Variants in GRM5 observed in about 807,000 individuals in gnomAD.
GRM5 encodes glutamate metabotropic receptor 5.
In GRM5, 19 loss-of-function variants were observed where a neutral mutation model predicts 83.1. The observed-to-expected ratio is 0.23, with a 90% CI of 0.16 to 0.34. The LOEUF is 0.34. Ranked by LOEUF, GRM5 falls within the 10% of genes least tolerant of loss-of-function variation. The pLI, the probability that GRM5 is intolerant of heterozygous loss-of-function variation, is 1.00. For missense variants in GRM5, 1,160 were observed against 1,588.3 expected (o/e 0.73, Z 4.58); for synonymous variants, 675 against 633.6 (o/e 1.07, Z -0.98).
rs1233531718 is a variant in GRM5, at chr11:88,508,968, C to G, written c.3263G>C (p.Gly1088Ala). Reference protein sequence around the residue: ...MMLSTAAPSPGVGAPLCSSYL... With the variant: ...MMLSTAAPSPAVGAPLCSSYL... ...GGACGAGCAGAGCGGGGCGCCGACGCCGGGGCTGGGGGCCGCGGTGGACAG... is the reference window on the plus strand; with the variant it reads ...GGACGAGCAGAGCGGGGCGCCGACGGCGGGGCTGGGGGCCGCGGTGGACAG... The change falls in exon 10 of 10, where the codon GGC (glycine) becomes GCC (alanine). Residue 1088 changes from glycine (G) to alanine (A), a missense_variant. By Grantham distance (60) the Gly-to-Ala change is moderately conservative. This residue lies in a region of GRM5 where 562 missense variants were observed against 532.4 expected (regional missense o/e 1.06). Coordinates refer to ENST00000305447, the MANE Select transcript of GRM5 (RefSeq NM_001143831.3). The surrounding 1 kb of genome is among the most constrained non-coding windows in gnomAD (Gnocchi z 4.2). The G allele has an allele frequency of 6.3e-7, 1 of 1,588,716 alleles. No homozygotes were observed. Among genetic ancestry groups the G allele is most frequent in the South Asian group, 1.1e-5 (1 of 87,122 alleles).
chr11:88,877,173 CA>C (rs374750374), intron 2 of GRM5, among the ~76,000 whole-genome samples: 37 of 151,924 alleles, frequency 2.4e-4, no homozygotes, highest in African/African-American at 8.7e-4. Context: ...TGACTATAGC[CA>C]AGAATAAGGT....
intron 2 of GRM5, among the ~76,000 whole-genome samples, chr11:88,901,001 G>T (rs536542545): frequency 3.3e-5 from 5 of 152,232 alleles, no homozygotes; most frequent in South Asian, 2.1e-4. Context: ...GGTAAAGCAG[G>T]TCCATGATTT....
At chr11:88,956,874 CTG>C (rs1938634046) in intron 2 of GRM5, among the ~76,000 whole-genome samples, 1 of 152,190 alleles carries the variant, frequency 6.6e-6, no homozygotes. Context: ...ATCAACTAAT[CTG>C]AGCCTATTTC....
chr11:88,815,655 G>T (rs1943662378), intron 3 of GRM5, among the ~76,000 whole-genome samples: 1 of 152,156 alleles, frequency 6.6e-6, no homozygotes, highest in African/African-American at 2.4e-5. Flanking sequence ...AGATCACAAG[G>T]TGATAGAGGA....
Position 88,619,097 on chromosome 11 carries a change from AAACT to A in GRM5, c.1148-14137_1148-14134del, listed in dbSNP as rs528690548. Among the ~76,000 whole-genome samples the A allele has an allele frequency of 3.2e-4, 48 of 152,364 alleles. 1 individual carries two copies. In the South Asian group the frequency reaches 9.7e-3, roughly 31 times the overall value. The stretch of plus-strand genomic sequence containing the variant: ...CAGAAGCCTCCAAAAGGATTAGCAG[AAACT>A]ACAACTCTCCAATCTGTGATTATAA... On this transcript the variant is annotated intron_variant, in intron 4 of 9. Coordinates refer to ENST00000305447, the MANE Select transcript of GRM5 (RefSeq NM_001143831.3).
At chr11:89,063,315 C>T (rs1400317512) in intron 1 of GRM5, among the ~76,000 whole-genome samples, 2 of 152,190 alleles carry the variant, frequency 1.3e-5, no homozygotes, top group Admixed American at 6.5e-5. Flanking sequence ...TTAATTAAGG[C>T]TGTTCGCAAA....
intron 2 of GRM5, among the ~76,000 whole-genome samples, chr11:88,933,362 G>A (rs1937780526): frequency 6.6e-6 from 1 of 151,622 alleles, no homozygotes. Flanking sequence ...CTCTATTGGT[G>A]AAAGGTCTTT....
chr11:88,991,724 G>C (rs547421214), intron 2 of GRM5, among the ~76,000 whole-genome samples: 4,976 of 151,746 alleles, frequency 0.033, 250 homozygotes, highest in African/African-American at 0.11. Flanking sequence ...CTACAACTAT[G>C]TGATCTTTGA....
At position 88,654,634 on chromosome 11, in the gene GRM5, T is replaced by C. The variant is rs139235352; in HGVS notation, c.912-1231A>G. ...AAAGTGTTAGGAGGTGAGCTGGGAGTAGGGGCAGTGGGTAGTGGGGAGAGG... is the reference window on the plus strand; with the variant it reads ...AAAGTGTTAGGAGGTGAGCTGGGAGCAGGGGCAGTGGGTAGTGGGGAGAGG... On this transcript the variant is annotated intron_variant, in intron 3 of 9. Transcript: ENST00000305447. Among the ~76,000 whole-genome samples, 72 of 152,064 alleles carry C rather than the reference T, an allele frequency of 4.7e-4. No individual in the cohort carries two copies. In the East Asian group the frequency reaches 0.011, roughly 24 times the overall value.
rs147790272 is a variant in GRM5 at position 88,519,508 on chromosome 11, A to G, written c.2726+5801T>C. 4.8e-3 allele frequency among the ~76,000 whole-genome samples: 730 copies of G among 152,212 alleles called. 3 individuals are homozygous for G. Among genetic ancestry groups the G allele is most frequent in the South Asian group, 0.017 (83 of 4,822 alleles). On this transcript the variant is annotated intron_variant, in intron 9 of 9. Coordinates refer to ENST00000305447, the MANE Select transcript of GRM5 (RefSeq NM_001143831.3). ...TGAGTTGGGCTCTAATATGGGCTTT[A>G]CCAATTTTTTAAGGAAGATTAAGTG...
chr11:88,912,921 A>G (rs1945523920), intron 2 of GRM5, among the ~76,000 whole-genome samples: 2 of 152,208 alleles, frequency 1.3e-5, no homozygotes, highest in African/African-American at 4.8e-5. Flanking sequence ...AGGTCTACAT[A>G]CATGAGCATG....
chr11:88,957,517 A>T (rs76703403), intron 2 of GRM5, among the ~76,000 whole-genome samples: 1 of 152,190 alleles, frequency 6.6e-6, no homozygotes, highest in African/African-American at 2.4e-5. Flanking sequence ...AAGATAAGAA[A>T]AAAATGAGGT....
chr11:88,720,885 T>TATC (rs1328755872), intron 3 of GRM5, among the ~76,000 whole-genome samples: 16 of 151,256 alleles, frequency 1.1e-4, no homozygotes, highest in African/African-American at 3.9e-4. Context: ...AACCAGTCTC[T>TATC]ATCAAGAGCA....
chr11:88,917,355 A>G (rs1424704412), intron 2 of GRM5, among the ~76,000 whole-genome samples: 3 of 152,206 alleles, frequency 2.0e-5, no homozygotes, highest in Admixed American at 1.3e-4. Flanking sequence ...ATACCTGGAA[A>G]GCCCTATCAA....
At chr11:88,537,436 G>C (rs184059717) in intron 8 of GRM5, among the ~76,000 whole-genome samples, 48 of 152,246 alleles carry the variant, frequency 3.2e-4, no homozygotes, top group African/African-American at 1.1e-3. Flanking sequence ...GCAGAAGACA[G>C]ACAGGGACGA....
At chr11:88,599,128 C>T (rs1937904595) in intron 5 of GRM5, among the ~76,000 whole-genome samples, 1 of 152,106 alleles carries the variant, frequency 6.6e-6, no homozygotes. Context: ...AAAATTTGAA[C>T]CAATTTATAT....
rs575583813 is a variant in GRM5 at position 88,957,277 on chromosome 11, C to G, written c.661+89935G>C. Among the ~76,000 whole-genome samples the G allele has an allele frequency of 9.9e-5, 15 of 152,240 alleles. 1 individual carries two copies. The South Asian group carries it at 2.9e-3, about 30-fold the overall frequency. On this transcript the variant is annotated intron_variant, in intron 2 of 9. Coordinates refer to ENST00000305447, the MANE Select transcript of GRM5 (RefSeq NM_001143831.3). ...GAGAATTGTAAGCAGCACAGTATGG[C>G]TAAAGCAGAAGGCGGATGGAGAAGA...
intron 2 of GRM5, among the ~76,000 whole-genome samples, chr11:88,949,638 C>A (rs1360071768): frequency 6.6e-6 from 1 of 151,988 alleles, no homozygotes; most frequent in Non-Finnish European, 1.5e-5. Flanking sequence ...AATAATAACG[C>A]ATAGATTTTT....
At chr11:88,725,921 A>G (rs549337312) in intron 3 of GRM5, among the ~76,000 whole-genome samples, 1 of 152,310 alleles carries the variant, frequency 6.6e-6, no homozygotes, top group South Asian at 2.1e-4. Flanking sequence ...AAATCCACGA[A>G]GATGAGAAAA....
Sources: gnomAD v4.1 joint callset for allele counts (sites outside exome capture counted in the v4.1 genomes callset) on GRCh38, gnomAD v4.1.1 for gene constraint, gnomAD v4.1.1 regional missense constraint, Gnocchi (gnomAD v3.1) non-coding constraint, MANE v1.5 for transcripts, NCBI Gene and HGNC (gene_info 2026-07-23, HGNC 2026-07-21) for gene names.